Variants in GRIA3 observed in about 807,000 individuals in gnomAD.
GRIA3 encodes the protein glutamate ionotropic receptor AMPA type subunit 3, also known as glutamate receptor 3.
Under a neutral mutation model 63.0 loss-of-function variants are expected in GRIA3, and 3 were observed. The observed-to-expected ratio is 0.05, with a 90% confidence interval of 0.02 to 0.12. The LOEUF (loss-of-function observed/expected upper bound fraction) is 0.12, where lower values mean the gene tolerates loss of function less well. GRIA3 is among the 10% of genes least tolerant of loss of function. The pLI is 1.00. For synonymous variants in GRIA3, 274 were observed against 257.9 expected, an observed-to-expected ratio of 1.06 and a Z score of -0.60; for missense variants, 347 against 700.9, an observed-to-expected ratio of 0.50 and a Z score of 5.70.
chrX:123,328,116 A>G (rs1323960662), intron 4 of GRIA3, among the ~76,000 whole-genome samples: 1 of 111,640 alleles, frequency 9.0e-6, no homozygotes, highest in Non-Finnish European at 1.9e-5. Context: ...TTTCAGCATT[A>G]TGTAATAGAA....
intron 5 of GRIA3, among the ~76,000 whole-genome samples, chrX:123,390,306 T>C (rs1037885323): frequency 8.9e-5 from 10 of 112,074 alleles, no homozygotes; most frequent in Admixed American, 4.7e-4. Flanking sequence ...CCCTTAAGCA[T>C]TTTTTATATG....
At chrX:123,286,722 C>A in intron 3 of GRIA3, among the ~76,000 whole-genome samples, 1 of 111,389 alleles carries the variant, frequency 9.0e-6, no homozygotes, top group Non-Finnish European at 1.9e-5. Flanking sequence ...AGGAAAAAGT[C>A]GAATCCCTGA....
In GRIA3 at chrX:123,184,432, G is replaced by A. The variant is rs1331227978; in HGVS notation, c.-104G>A. 2 of 639,896 alleles carry A rather than the reference G, an allele frequency of 3.1e-6. No individual in the cohort carries two copies. The highest frequency in any genetic ancestry group is 5.3e-6 in the Non-Finnish European group (2 of 375,872). 52.7% of individuals were successfully genotyped at this position (639,896 alleles called of 1,213,427 possible). On this transcript the variant is annotated 5_prime_UTR_variant, in exon 1 of 16. Transcript: ENST00000620443. ...GAAGAGTGAGCGAGAGCAAGTTAAG[G>A]GGAGGGGGTGTAAGAGCCAGCGAAT...
intron 3 of GRIA3, among the ~76,000 whole-genome samples, chrX:123,260,422 C>A (rs369288871): frequency 0.061 from 347 of 5,721 alleles, 69 homozygotes; most frequent in South Asian, 0.24. Context: ...GACAGACAGA[C>A]AGACAGAAAG....
intron 3 of GRIA3, among the ~76,000 whole-genome samples, chrX:123,308,372 C>T (rs112556410): frequency 1.4e-3 from 160 of 111,701 alleles, no homozygotes; most frequent in African/African-American, 4.7e-3. Flanking sequence ...GATCCATAGA[C>T]CATACTTTAA....
chrX:123,248,411 C>G (rs960888249), intron 2 of GRIA3, among the ~76,000 whole-genome samples: 6 of 112,492 alleles, frequency 5.3e-5, no homozygotes, highest in Non-Finnish European at 1.1e-4. Context: ...GCCTTTCCCT[C>G]TGCACTTCAT....
At chrX:123,477,421 G>C (rs1329372798) in intron 13 of GRIA3, among the ~76,000 whole-genome samples, 3 of 112,014 alleles carry the variant, frequency 2.7e-5, no homozygotes, top group African/African-American at 9.7e-5. Context: ...GAATGGCACT[G>C]TCTATATTTC....
intron 5 of GRIA3, among the ~76,000 whole-genome samples, chrX:123,376,966 G>C (rs1165633541): frequency 1.4e-5 from 1 of 69,481 alleles, no homozygotes; most frequent in Non-Finnish European, 2.5e-5. Context: ...GCAGAGTCTT[G>C]CTCTGTCGCC....
intron 9 of GRIA3, among the ~76,000 whole-genome samples, chrX:123,403,969 A>G (rs1339395448): frequency 1.8e-5 from 2 of 111,529 alleles, no homozygotes; most frequent in African/African-American, 6.5e-5. Flanking sequence ...TATAATAATA[A>G]TCACCTACCC....
At chrX:123,297,594 T>G (rs2147312117) in intron 3 of GRIA3, among the ~76,000 whole-genome samples, 1 of 111,967 alleles carries the variant, frequency 8.9e-6, no homozygotes, top group Admixed American at 9.5e-5. Flanking sequence ...ATCATCCCAT[T>G]TAATCCTCAC....
Position 123,326,217 on chromosome X carries a change from C to T in GRIA3, c.696+4C>T, listed in dbSNP as rs770064569. On this transcript the variant is annotated splice_donor_region_variant and intron_variant, in intron 4 of 15. Coordinates refer to ENST00000620443, the MANE Select transcript of GRIA3 (RefSeq NM_007325.5). ...GATTAACACAATTTTGGAACAGGTA[C>T]GTTTGAGATTTATTTCACCGCCAGC... The T allele has an allele frequency of 9.2e-6, 11 of 1,191,958 alleles. No individual in the cohort carries two copies. The Admixed American group carries it at 2.4e-4, about 26-fold the overall frequency.
intron 2 of GRIA3, among the ~76,000 whole-genome samples, chrX:123,186,857 T>C (rs1927291940): frequency 8.9e-6 from 1 of 112,096 alleles, no homozygotes; most frequent in African/African-American, 3.2e-5. Flanking sequence ...TCTGAAATCC[T>C]TAGTTGTACC....
At chrX:123,186,843 C>T (rs1927291638) in intron 2 of GRIA3, among the ~76,000 whole-genome samples, 1 of 111,820 alleles carries the variant, frequency 8.9e-6, no homozygotes, top group African/African-American at 3.2e-5. Flanking sequence ...GGCCCAAAGC[C>T]GGTTCTGAAA....
At chrX:123,202,006 AGTTATGT>A (rs1927755878) in intron 2 of GRIA3, among the ~76,000 whole-genome samples, 1 of 112,073 alleles carries the variant, frequency 8.9e-6, no homozygotes, top group African/African-American at 3.3e-5. Flanking sequence ...GTCAGTCCTT[AGTTATGT>A]GTTTTTGGAA....
chrX:123,342,659 C>T (rs906460548), intron 4 of GRIA3, among the ~76,000 whole-genome samples: 4 of 111,955 alleles, frequency 3.6e-5, no homozygotes, highest in African/African-American at 1.3e-4. Context: ...ACATTCATCA[C>T]AAGTGCAGCT....
At chrX:123,477,102 A>C (rs1323303199) in intron 13 of GRIA3, among the ~76,000 whole-genome samples, 26 of 111,690 alleles carry the variant, frequency 2.3e-4, no homozygotes, top group Non-Finnish European at 9.4e-5. Context: ...TTTTGGCAAG[A>C]GTGGACAGTG....
chrX:123,416,415 T>C (rs1398770423), intron 10 of GRIA3, among the ~76,000 whole-genome samples: 2 of 112,336 alleles, frequency 1.8e-5, no homozygotes, highest in Non-Finnish European at 3.8e-5. Flanking sequence ...AGCCTTTCCT[T>C]AGTCAGAAGG....
intron 3 of GRIA3, among the ~76,000 whole-genome samples, chrX:123,255,365 A>G (rs1265664111): frequency 3.6e-5 from 4 of 111,307 alleles, no homozygotes; most frequent in Admixed American, 9.6e-5. Context: ...TAGCTTGAAT[A>G]TTCTAATTCA....
At position 123,447,065 on chromosome X, in the gene GRIA3, T is replaced by C. The variant is rs959588652; in HGVS notation, c.2077-17800T>C. ...TGCTAATAAATTATCCCACAGGCCA[T>C]AGGTTTCACAGGTATTAGAAAATGC... On this transcript the variant is annotated intron_variant, in intron 12 of 15. Transcript: ENST00000620443. Among the ~76,000 whole-genome samples the C allele has an allele frequency of 2.7e-5, 3 of 112,014 alleles. No homozygotes were observed. In the East Asian group the frequency reaches 8.4e-4, roughly 31 times the overall value.
Sources: allele counts gnomAD v4.1 joint callset (sites outside exome capture counted in the v4.1 genomes callset), GRCh38; gene constraint gnomAD v4.1.1; transcripts MANE v1.5; gene names NCBI Gene and HGNC (gene_info 2026-07-23, HGNC 2026-07-21).